RANBP2: variants seen among roughly 807,000 people sequenced by gnomAD.
The protein encoded by RANBP2 is E3 SUMO-protein ligase RanBP2.
RANBP2 carries 57 observed loss-of-function variants against 303.6 expected under a neutral mutation model. The observed-to-expected ratio is 0.19, with a 90% CI of 0.15 to 0.23. The LOEUF (loss-of-function observed/expected upper bound fraction) is 0.23, where lower values mean the gene tolerates loss of function less well. Ranked by LOEUF, RANBP2 falls within the 10% of genes least tolerant of loss-of-function variation. The pLI is 1.00. For missense variants in RANBP2, 3,138 were observed against 3,780.8 expected (o/e 0.83, Z 4.46); for synonymous variants, 1,167 against 1,301.5 (o/e 0.90, Z 2.23).
chr2:109,486,948 A>G, the RANBP2 span, among the ~76,000 whole-genome samples: 1 of 152,158 alleles, frequency 6.6e-6, no homozygotes, highest in African/African-American at 2.4e-5. Flanking sequence ...TCTCCCTGTG[A>G]GGCTGAACTG....
chr2:109,727,626 A>T, the RANBP2 span, among the ~76,000 whole-genome samples: 6 of 152,176 alleles, frequency 3.9e-5, no homozygotes, highest in Admixed American at 1.3e-4. Context: ...CGAGTCAGTG[A>T]TGGCCACCCC....
At chr2:109,355,761 T>C in the RANBP2 span, among the ~76,000 whole-genome samples, 2 of 152,212 alleles carry the variant, frequency 1.3e-5, no homozygotes, top group African/African-American at 2.4e-5. Context: ...GTCCATGCCA[T>C]GCGGATCAGT....
chr2:108,811,247 C>CTCTTTTTTTTTTTTTTTTTTTTTTTTTT, the RANBP2 span, among the ~76,000 whole-genome samples: 175 of 113,772 alleles, frequency 1.5e-3, 4 homozygotes, highest in Non-Finnish European at 2.1e-3. Context: ...TTCTCTCTCT[C>CTCTTTTTTTTTTTTTTTTTTTTTTTTTT]TTTTTTTTTT....
At chr2:108,982,507 T>G in the RANBP2 span, among the ~76,000 whole-genome samples, 6 of 152,240 alleles carry the variant, frequency 3.9e-5, no homozygotes, top group Admixed American at 1.3e-4. Context: ...AACATTCTGT[T>G]GTACTTCATT....
chr2:108,933,143 G>A, the RANBP2 span, among the ~76,000 whole-genome samples: 2 of 152,238 alleles, frequency 1.3e-5, no homozygotes, highest in Non-Finnish European at 2.9e-5. Context: ...AGAAATGATA[G>A]AGAAGAATGC....
chr2:109,420,462 T>G, the RANBP2 span, among the ~76,000 whole-genome samples: 5 of 151,956 alleles, frequency 3.3e-5, no homozygotes, highest in African/African-American at 1.2e-4. Context: ...GTTTTGTTTT[T>G]TGAGATGGAG....
chr2:109,382,458 G>A, the RANBP2 span, among the ~76,000 whole-genome samples: 1 of 152,092 alleles, frequency 6.6e-6, no homozygotes, highest in East Asian at 1.9e-4. Flanking sequence ...GACCCCCGAC[G>A]TGGTTGGCCT....
At chr2:109,141,764 T>C in the RANBP2 span, among the ~76,000 whole-genome samples, 3 of 151,976 alleles carry the variant, frequency 2.0e-5, no homozygotes, top group Non-Finnish European at 4.4e-5. Context: ...CCTGACAGTA[T>C]CAACAGGAGG....
the RANBP2 span, among the ~76,000 whole-genome samples, chr2:109,604,609 C>T: frequency 6.6e-6 from 1 of 151,286 alleles, no homozygotes; most frequent in Non-Finnish European, 1.5e-5. Flanking sequence ...TGCCTGTAGT[C>T]CCAGGTACTC....
At chr2:109,134,871 A>G in the RANBP2 span, among the ~76,000 whole-genome samples, 14 of 152,346 alleles carry the variant, frequency 9.2e-5, 1 homozygote, top group East Asian at 2.7e-3. Context: ...TGTGGCCCAC[A>G]GGAAACAGCA....
At chr2:108,901,411 A>C in the RANBP2 span, among the ~76,000 whole-genome samples, 1 of 152,224 alleles carries the variant, frequency 6.6e-6, no homozygotes, top group African/African-American at 2.4e-5. Context: ...CATTTCAAGC[A>C]CTTAGAAAAA....
the RANBP2 span, among the ~76,000 whole-genome samples, chr2:109,040,181 T>A: frequency 6.6e-6 from 1 of 152,238 alleles, no homozygotes; most frequent in Admixed American, 6.5e-5. Flanking sequence ...TATGGATATT[T>A]AATTGTTCCA....
chr2:109,278,160 G>T, the RANBP2 span, among the ~76,000 whole-genome samples: 7 of 150,458 alleles, frequency 4.7e-5, no homozygotes, highest in African/African-American at 1.7e-4. Context: ...CTGAGTGATA[G>T]AGCAAGACCC....
chr2:108,781,189 G>A (rs975820251), intron 25 of RANBP2, 80 bp from the exon 26 acceptor site: 3 of 1,347,936 alleles, frequency 2.2e-6, no homozygotes, highest in African/African-American at 1.4e-5. Flanking sequence ...TCAGGAATTA[G>A]AGGGATTGAT....
the RANBP2 span, among the ~76,000 whole-genome samples, chr2:109,610,879 TACACAGAGAGG>T: frequency 1.3e-5 from 2 of 152,124 alleles, no homozygotes; most frequent in Admixed American, 6.5e-5. Context: ...TTCTAAAACT[TACACAGAGAGG>T]CACAGAACTA....
the RANBP2 span, among the ~76,000 whole-genome samples, chr2:108,968,030 T>C: frequency 3.9e-5 from 6 of 152,150 alleles, no homozygotes; most frequent in South Asian, 4.1e-4. Context: ...TTATTGAGCA[T>C]AGGACATGCG....
the RANBP2 span, among the ~76,000 whole-genome samples, chr2:109,079,985 C>T: frequency 3.9e-5 from 6 of 152,174 alleles, no homozygotes; most frequent in African/African-American, 1.4e-4. Flanking sequence ...TCTGGGACGA[C>T]AGAAAGACAG....
chr2:109,096,557 T>C, the RANBP2 span, among the ~76,000 whole-genome samples: 1 of 152,120 alleles, frequency 6.6e-6, no homozygotes, highest in African/African-American at 2.4e-5. Flanking sequence ...TGCTCTTAAA[T>C]GCAAGTTTCT....
chr2:109,000,620 T>C, the RANBP2 span, among the ~76,000 whole-genome samples: 2 of 152,096 alleles, frequency 1.3e-5, no homozygotes, highest in African/African-American at 4.8e-5. Context: ...TTTCTTCCAG[T>C]TGGAAACTGG....
Sources: allele counts gnomAD v4.1 joint callset (sites outside exome capture counted in the v4.1 genomes callset), GRCh38; gene constraint gnomAD v4.1.1; transcripts MANE v1.5; gene names NCBI Gene and HGNC (gene_info 2026-07-23, HGNC 2026-07-21).